The following OR4N2 variants were observed in gnomAD, a reference collection of about 807,000 sequenced individuals.
OR4N2 encodes the protein olfactory receptor family 4 subfamily N member 2, also known as olfactory receptor 4N2.
For missense variants in OR4N2, 307 were observed against 377.6 expected, an observed-to-expected ratio of 0.81 and a Z score of 1.55; for synonymous variants, 141 against 140.4, an observed-to-expected ratio of 1.00 and a Z score of -0.03.
chr14:19,809,402 T>G (rs1339153328), intron 1 of OR4N2, among the ~76,000 whole-genome samples: 3 of 152,022 alleles, frequency 2.0e-5, no homozygotes, highest in African/African-American at 7.2e-5. Flanking sequence ...AAAGAAACTA[T>G]CAATAGAGTA....
chr14:19,825,243 A>G (rs1206676243), intron 1 of OR4N2, among the ~76,000 whole-genome samples: 33 of 152,342 alleles, frequency 2.2e-4, no homozygotes, highest in Non-Finnish European at 3.8e-4. Context: ...TGTGGCTGCC[A>G]GTAACACCCA....
intron 1 of OR4N2, among the ~76,000 whole-genome samples, chr14:19,826,594 A>G (rs539349864): frequency 2.6e-5 from 4 of 152,408 alleles, no homozygotes; most frequent in Non-Finnish European, 5.9e-5. Context: ...AGTTGAGATA[A>G]TGATATTTTA....
At chr14:19,813,139 A>AT (rs1380690371) in intron 1 of OR4N2, among the ~76,000 whole-genome samples, 1 of 152,354 alleles carries the variant, frequency 6.6e-6, no homozygotes, top group Non-Finnish European at 1.5e-5. Context: ...ATGCACAATT[A>AT]TGAAAAAAAT....
At chr14:19,807,881 G>A (rs1407189720) in intron 1 of OR4N2, among the ~76,000 whole-genome samples, 4 of 152,040 alleles carry the variant, frequency 2.6e-5, no homozygotes, top group Non-Finnish European at 4.4e-5. Flanking sequence ...AAAAGTTAAC[G>A]CACTGTGATC....
At chr14:19,820,623 C>T (rs1214778713) in intron 1 of OR4N2, among the ~76,000 whole-genome samples, 1 of 152,242 alleles carries the variant, frequency 6.6e-6, no homozygotes, top group Non-Finnish European at 1.5e-5. Context: ...CAGAGATACC[C>T]TGCCCAGAGA....
At chr14:19,815,071 T>C (rs1453239913) in intron 1 of OR4N2, among the ~76,000 whole-genome samples, 4 of 152,254 alleles carry the variant, frequency 2.6e-5, no homozygotes, top group African/African-American at 9.6e-5. Flanking sequence ...CAGTCTATGA[T>C]TGATGGGCAT....
At chr14:19,813,960 C>G (rs1172802434) in intron 1 of OR4N2, among the ~76,000 whole-genome samples, 1 of 151,610 alleles carries the variant, frequency 6.6e-6, no homozygotes, top group East Asian at 1.9e-4. Flanking sequence ...TTCTCTCTCT[C>G]TCTTTTCTTC....
At chr14:19,805,066 TTA>T (rs1417242277) in intron 1 of OR4N2, among the ~76,000 whole-genome samples, 1 of 152,232 alleles carries the variant, frequency 6.6e-6, no homozygotes, top group African/African-American at 2.4e-5. Flanking sequence ...CTCCATCCCT[TTA>T]TTTTGAGCCC....
At chr14:19,817,228 C>T (rs572177107) in intron 1 of OR4N2, among the ~76,000 whole-genome samples, 91 of 152,254 alleles carry the variant, frequency 6.0e-4, no homozygotes, top group African/African-American at 2.0e-3. Context: ...GGAGGAGTCC[C>T]TCTTTTTCTA....
intron 1 of OR4N2, among the ~76,000 whole-genome samples, chr14:19,823,271 T>A (rs188297958): frequency 6.2e-4 from 95 of 152,356 alleles, no homozygotes; most frequent in African/African-American, 2.3e-3. Context: ...TATATTTATT[T>A]CATTAGGATG....
At chr14:19,819,530 C>T (rs1449592269) in intron 1 of OR4N2, among the ~76,000 whole-genome samples, 1 of 152,262 alleles carries the variant, frequency 6.6e-6, no homozygotes, top group Non-Finnish European at 1.5e-5. Flanking sequence ...TGTTTTTCAG[C>T]TCCATCAGGT....
intron 1 of OR4N2, among the ~76,000 whole-genome samples, chr14:19,806,869 C>T (rs764312931): frequency 7.9e-5 from 12 of 152,094 alleles, no homozygotes; most frequent in Non-Finnish European, 1.5e-4. Flanking sequence ...ATTCTTGAAC[C>T]ACAGTGCAAT....
intron 1 of OR4N2, among the ~76,000 whole-genome samples, chr14:19,812,487 G>A (rs531646057): frequency 6.8e-4 from 103 of 151,604 alleles, no homozygotes; most frequent in Non-Finnish European, 1.1e-3. Flanking sequence ...CCGCCACCAA[G>A]CCGAGATAAT....
At chr14:19,825,799 C>G (rs1371264713) in intron 1 of OR4N2, among the ~76,000 whole-genome samples, 1 of 152,156 alleles carries the variant, frequency 6.6e-6, no homozygotes. Context: ...AGCTCGTGAT[C>G]CACCCACCTA....
In OR4N2 at chr14:19,828,441, T is replaced by G. The variant is rs1879785515; in HGVS notation, c.*69T>G. On this transcript the variant is annotated 3_prime_UTR_variant, in exon 2 of 2. Coordinates refer to ENST00000557677, the MANE Select transcript of OR4N2 (RefSeq NM_001004723.3). ...TTTATCTGAAATTGATTTGTTTATT[T>G]CCAAGTACTGCAATCACTGAGTACC... The G allele has an allele frequency of 9.4e-6, 13 of 1,385,594 alleles. No individual in the cohort carries two copies. The highest frequency in any genetic ancestry group is 1.3e-5 in the Non-Finnish European group (13 of 1,027,146). 85.8% of individuals were successfully genotyped at this position (1,385,594 alleles called of 1,614,324 possible). A position where few individuals can be genotyped will look rare whatever the true frequency, so the allele number is the denominator to read the frequency against.
intron 1 of OR4N2, among the ~76,000 whole-genome samples, chr14:19,809,318 C>T (rs1455879406): frequency 1.3e-5 from 2 of 152,210 alleles, no homozygotes; most frequent in Admixed American, 6.5e-5. Flanking sequence ...TTGGCTGAGT[C>T]CTCAAAGGTA....
intron 1 of OR4N2, 58 bp downstream of exon 1, chr14:19,803,902 G>A (rs1879086609): frequency 6.6e-6 from 1 of 152,200 alleles, no homozygotes. Context: ...TCTGTTCAGG[G>A]TTTCAATTTC....
chr14:19,813,841 C>CTTTTTTT (rs34020966), intron 1 of OR4N2, among the ~76,000 whole-genome samples: 1 of 146,080 alleles, frequency 6.8e-6, no homozygotes, highest in African/African-American at 2.6e-5. Flanking sequence ...GTTTCTTCAC[C>CTTTTTTT]TTTTTTTTTT....
intron 1 of OR4N2, among the ~76,000 whole-genome samples, chr14:19,807,656 T>TAA (rs139844666): frequency 0.077 from 11,472 of 148,834 alleles, 79 homozygotes; most frequent in East Asian, 0.18. Context: ...TACCAGATTT[T>TAA]AAAAAAAAGA....
Sources: allele counts gnomAD v4.1 joint callset (sites outside exome capture counted in the v4.1 genomes callset), GRCh38; gene constraint gnomAD v4.1.1; transcripts MANE v1.5; gene names NCBI Gene and HGNC (gene_info 2026-07-23, HGNC 2026-07-21).